The following COL25A1 variants were observed in gnomAD, a reference collection of about 807,000 sequenced individuals.
COL25A1 encodes collagen type XXV alpha 1 chain.
In COL25A1, 103 loss-of-function variants were observed where a neutral mutation model predicts 128.4. The observed-to-expected ratio is 0.80, with a 90% CI of 0.68 to 0.94. The LOEUF (loss-of-function observed/expected upper bound fraction) is 0.94. COL25A1 is among the 40% of genes least tolerant of loss of function. The pLI is 0.00. For synonymous variants in COL25A1, 279 were observed against 277.2 expected, an observed-to-expected ratio of 1.01 and a Z score of -0.06; for missense variants, 745 against 840.0, an observed-to-expected ratio of 0.89 and a Z score of 1.40.
At chr4:108,884,895 T>C (rs1420515040) in intron 18 of COL25A1, among the ~76,000 whole-genome samples, 3 of 152,164 alleles carry the variant, frequency 2.0e-5, no homozygotes, top group Non-Finnish European at 4.4e-5. Flanking sequence ...TGGGTGAGCA[T>C]ATTGGAGTCA....
intron 3 of COL25A1, among the ~76,000 whole-genome samples, chr4:109,261,098 T>C (rs1781416685): frequency 6.6e-6 from 1 of 152,220 alleles, no homozygotes; most frequent in South Asian, 2.1e-4. Context: ...TTATTGTATT[T>C]CAAAATATAT....
rs752621633 is a variant in COL25A1 at position 108,848,711 on chromosome 4, T to C, written c.1434+48A>G. ...GGCTTCAAACCTACAATAAAAGTAG[T>C]AATCAAGAATGATGCTTTAAATAAT... is the stretch of plus-strand genomic sequence containing the variant. On this transcript the variant is annotated intron_variant, in intron 27 of 37. Transcript: ENST00000399132. 4 of 1,287,816 alleles carry C rather than the reference T, an allele frequency of 3.1e-6. No individual in the cohort carries two copies. In the African/African-American group the frequency reaches 5.8e-5, roughly 19 times the overall value. 79.8% of individuals were successfully genotyped at this position (1,287,816 alleles called of 1,614,324 possible).
intron 3 of COL25A1, among the ~76,000 whole-genome samples, chr4:109,076,328 CTCTT>C (rs1579290069): frequency 6.6e-6 from 1 of 152,162 alleles, no homozygotes; most frequent in African/African-American, 2.4e-5. Flanking sequence ...AATTAACTCT[CTCTT>C]TAAGAGGGAA....
chr4:109,130,627 A>G (rs1340615492), intron 3 of COL25A1, among the ~76,000 whole-genome samples: 1 of 152,144 alleles, frequency 6.6e-6, no homozygotes, highest in Admixed American at 6.5e-5. Flanking sequence ...GTATGTTGGG[A>G]CCAAGCAAAC....
chr4:108,873,522 C>CTAGTAGTAGTAGTAGTAG (rs58240378), intron 19 of COL25A1, among the ~76,000 whole-genome samples: 15 of 147,260 alleles, frequency 1.0e-4, no homozygotes, highest in Admixed American at 7.6e-4. Flanking sequence ...TGTTAGCTGT[C>CTAGTAGTAGTAGTAGTAG]TAGTAGTAGT....
At chr4:109,063,390 C>T (rs1579246986) in intron 3 of COL25A1, among the ~76,000 whole-genome samples, 1 of 152,030 alleles carries the variant, frequency 6.6e-6, no homozygotes, top group East Asian at 1.9e-4. Flanking sequence ...GTAATCTCAG[C>T]TACTCAGGAG....
intron 31 of COL25A1, among the ~76,000 whole-genome samples, chr4:108,840,582 G>A (rs1350306799): frequency 6.6e-6 from 1 of 152,170 alleles, no homozygotes; most frequent in Non-Finnish European, 1.5e-5. Flanking sequence ...GGGCCAAAGA[G>A]AGCCAGCCTC....
At chr4:108,835,580 G>A (rs1214985180) in intron 31 of COL25A1, among the ~76,000 whole-genome samples, 1 of 150,368 alleles carries the variant, frequency 6.7e-6, no homozygotes, top group Non-Finnish European at 1.5e-5. Flanking sequence ...TTGAGATGGA[G>A]TTTCACCCTT....
intron 5 of COL25A1, among the ~76,000 whole-genome samples, chr4:109,035,950 CAG>C (rs1560576599): frequency 1.3e-5 from 2 of 151,846 alleles, no homozygotes; most frequent in African/African-American, 2.4e-5. Flanking sequence ...GTTTCTGAGA[CAG>C]AGTCTCACTC....
intron 3 of COL25A1, among the ~76,000 whole-genome samples, chr4:109,288,789 C>T (rs1015343152): frequency 2.0e-5 from 3 of 152,020 alleles, no homozygotes; most frequent in Non-Finnish European, 4.4e-5. Context: ...AGCACCACCG[C>T]ATGGGCCTAG....
chr4:109,221,383 A>G (rs1437035697), intron 3 of COL25A1, among the ~76,000 whole-genome samples: 1 of 152,192 alleles, frequency 6.6e-6, no homozygotes, highest in African/African-American at 2.4e-5. Context: ...TGCACTTTAA[A>G]AATCTATACC....
intron 3 of COL25A1, among the ~76,000 whole-genome samples, chr4:109,184,330 C>G (rs574028126): frequency 9.2e-5 from 14 of 152,326 alleles, no homozygotes; most frequent in African/African-American, 3.1e-4. Flanking sequence ...TGCATTAACA[C>G]TCCATTAATA....
chr4:109,083,993 T>C (rs1443266168), intron 3 of COL25A1, among the ~76,000 whole-genome samples: 2 of 152,270 alleles, frequency 1.3e-5, no homozygotes, highest in East Asian at 1.9e-4. Flanking sequence ...ACATGTAGCA[T>C]TTTGTTTTGT....
chr4:108,996,155 T>C (rs1329726008), intron 6 of COL25A1, among the ~76,000 whole-genome samples: 1 of 152,118 alleles, frequency 6.6e-6, no homozygotes, highest in Admixed American at 6.5e-5. Flanking sequence ...AATGCCCTAA[T>C]TAAAAGACAC....
At chr4:109,069,016 T>C (rs554869387) in intron 3 of COL25A1, among the ~76,000 whole-genome samples, 1 of 152,250 alleles carries the variant, frequency 6.6e-6, no homozygotes, top group African/African-American at 2.4e-5. Context: ...TAGCACAGGC[T>C]ATGACACATA....
chr4:109,093,915 A>C (rs74503983), intron 3 of COL25A1, among the ~76,000 whole-genome samples: 6 of 151,832 alleles, frequency 4.0e-5, no homozygotes, highest in African/African-American at 1.2e-4. Context: ...AAAAAAAAAA[A>C]GTTTTTAACC....
At position 108,893,188 on chromosome 4, in the gene COL25A1, G is replaced by A. The variant is rs75431507; in HGVS notation, c.907-3455C>T. On this transcript the variant is annotated intron_variant, in intron 16 of 37. Coordinates refer to ENST00000399132, the MANE Select transcript of COL25A1 (RefSeq NM_198721.4). ...GATGAAGACAGTGTGAATACACATA[G>A]GAATGGAAATGGGGGAGAGGGGAGC... 4.0e-3 allele frequency among the ~76,000 whole-genome samples: 605 copies of A among 152,186 alleles called. 3 individuals carry two copies. Among genetic ancestry groups the A allele is most frequent in the Non-Finnish European group, 6.5e-3 (440 of 68,000 alleles).
At chr4:109,027,739 G>A (rs1421146663) in intron 5 of COL25A1, among the ~76,000 whole-genome samples, 1 of 151,808 alleles carries the variant, frequency 6.6e-6, no homozygotes, top group Non-Finnish European at 1.5e-5. Flanking sequence ...ATTGAATGTG[G>A]GGTGTGAGAA....
chr4:108,951,869 G>A (rs1399056664), intron 8 of COL25A1, among the ~76,000 whole-genome samples: 1 of 152,096 alleles, frequency 6.6e-6, no homozygotes, highest in Non-Finnish European at 1.5e-5. Context: ...GCCCCTAAGG[G>A]TGTCAGACAA....
Sources: allele counts gnomAD v4.1 joint callset (sites outside exome capture counted in the v4.1 genomes callset), GRCh38; gene constraint gnomAD v4.1.1; transcripts MANE v1.5; gene names NCBI Gene and HGNC (gene_info 2026-07-23, HGNC 2026-07-21).